NCAM2: variants seen among roughly 807,000 people sequenced by gnomAD.
NCAM2 encodes N-CAM-2.
Under a neutral mutation model 98.1 loss-of-function variants are expected in NCAM2, and 30 were observed. The ratio of observed to expected loss-of-function variants is 0.31; its 90% confidence interval spans 0.23 to 0.41. The LOEUF (loss-of-function observed/expected upper bound fraction) is 0.41, where lower values mean the gene tolerates loss of function less well. NCAM2 is among the 10% of genes least tolerant of loss of function. The pLI is 1.00. For missense variants in NCAM2, 867 were observed against 1,005.8 expected, an observed-to-expected ratio of 0.86 and a Z score of 1.87; for synonymous variants, 368 against 342.4, an observed-to-expected ratio of 1.07 and a Z score of -0.83.
intron 12 of NCAM2, among the ~76,000 whole-genome samples, chr21:21,458,098 A>C (rs1982418295): frequency 6.6e-6 from 1 of 152,292 alleles, no homozygotes; most frequent in African/African-American, 2.4e-5. Flanking sequence ...GGAAGTTTCA[A>C]AGGAAGGTTT....
At chr21:21,509,232 A>C (rs922791033) in intron 16 of NCAM2, among the ~76,000 whole-genome samples, 177 bp downstream of exon 16, 1 of 152,130 alleles carries the variant, frequency 6.6e-6, no homozygotes, top group African/African-American at 2.4e-5. Context: ...TATATAACCT[A>C]GAACAAAGTG....
intron 16 of NCAM2, among the ~76,000 whole-genome samples, chr21:21,513,097 G>A (rs981087728): frequency 6.6e-6 from 1 of 151,954 alleles, no homozygotes; most frequent in Non-Finnish European, 1.5e-5. Flanking sequence ...TAATTGCCCT[G>A]GCTAGGACAT....
At chr21:21,419,356 T>C (rs1569042759) in intron 11 of NCAM2, among the ~76,000 whole-genome samples, 3 of 150,504 alleles carry the variant, frequency 2.0e-5, no homozygotes, top group East Asian at 2.0e-4. Flanking sequence ...GGTTTTTTTT[T>C]TCGATTTTTT....
At chr21:21,344,046 C>T (rs1437946986) in intron 8 of NCAM2, among the ~76,000 whole-genome samples, 4 of 152,144 alleles carry the variant, frequency 2.6e-5, no homozygotes, top group African/African-American at 9.7e-5. Flanking sequence ...GATACTAGCT[C>T]AGCCACAGCA....
Position 21,470,351 on chromosome 21 carries a change from T to C in NCAM2, c.1896+1568T>C, listed in dbSNP as rs145841300. On this transcript the variant is annotated intron_variant, in intron 14 of 17. Transcript: ENST00000400546. The stretch of plus-strand genomic sequence containing the variant: ...TTCTTTAAATGTGGATTAGAATTAA[T>C]CTTTTTTGAGAAGTTATGTGTGAAA... Among the ~76,000 whole-genome samples the C allele has an allele frequency of 7.2e-5, 11 of 152,244 alleles. No individual in the cohort carries two copies. The East Asian group carries it at 2.1e-3, about 29-fold the overall frequency.
intron 1 of NCAM2, among the ~76,000 whole-genome samples, chr21:21,221,984 GCCA>G (rs1337201528): frequency 6.6e-6 from 1 of 152,116 alleles, no homozygotes; most frequent in Non-Finnish European, 1.5e-5. Flanking sequence ...CTAATTTGAA[GCCA>G]ATGCTTATTT....
intron 8 of NCAM2, among the ~76,000 whole-genome samples, chr21:21,367,062 A>T (rs561488499): frequency 1.3e-5 from 2 of 152,114 alleles, no homozygotes; most frequent in African/African-American, 4.8e-5. Flanking sequence ...ATACATTATC[A>T]CCATATCTCT....
At chr21:21,183,312 G>A (rs936564501) in intron 1 of NCAM2, among the ~76,000 whole-genome samples, 8 of 152,132 alleles carry the variant, frequency 5.3e-5, no homozygotes, top group Non-Finnish European at 8.8e-5. Context: ...TTTGACTTCA[G>A]AAGCAACTCT....
chr21:21,404,463 AG>A (rs1456032548), intron 9 of NCAM2, among the ~76,000 whole-genome samples: 2 of 152,110 alleles, frequency 1.3e-5, no homozygotes, highest in African/African-American at 4.8e-5. Context: ...GTCTGCAGCC[AG>A]GGAAGATGTG....
intron 1 of NCAM2, among the ~76,000 whole-genome samples, chr21:21,117,790 C>T (rs575477390): frequency 9.2e-5 from 14 of 152,204 alleles, no homozygotes; most frequent in African/African-American, 3.1e-4. Flanking sequence ...CTTGATTAAT[C>T]GTGGTCTCCT....
chr21:21,145,303 ACTTG>A (rs1263899074), intron 1 of NCAM2, among the ~76,000 whole-genome samples: 1 of 152,200 alleles, frequency 6.6e-6, no homozygotes, highest in Non-Finnish European at 1.5e-5. Context: ...AATTGTGCTT[ACTTG>A]CTTTTGATTA....
In NCAM2 at chr21:21,092,941, A is replaced by G. The variant is rs182711719; in HGVS notation, c.55+94323A>G. Reference sequence around the variant, plus strand: ...CAATGTAAGTTTTCAAATGTTCTACAGAATTTTTGCAACAATGAGTGGAAT... The same window carrying G: ...CAATGTAAGTTTTCAAATGTTCTACGGAATTTTTGCAACAATGAGTGGAAT... On this transcript the variant is annotated intron_variant, in intron 1 of 17. Transcript: ENST00000400546. Among the ~76,000 whole-genome samples the G allele has an allele frequency of 7.2e-5, 11 of 152,242 alleles. No individual in the cohort carries two copies. The East Asian group carries it at 1.2e-3, about 16-fold the overall frequency.
At chr21:21,066,296 A>G (rs934076863) in intron 1 of NCAM2, among the ~76,000 whole-genome samples, 1 of 152,122 alleles carries the variant, frequency 6.6e-6, no homozygotes, top group Non-Finnish European at 1.5e-5. Context: ...TTGCCAGACA[A>G]TGGAGATTGG....
chr21:21,463,565 G>A (rs1983277877), intron 12 of NCAM2, among the ~76,000 whole-genome samples: 1 of 152,046 alleles, frequency 6.6e-6, no homozygotes, highest in Non-Finnish European at 1.5e-5. Context: ...TAACAGTTTA[G>A]CCATCGGTGT....
intron 1 of NCAM2, among the ~76,000 whole-genome samples, chr21:21,180,666 T>C (rs1226378228): frequency 6.6e-6 from 1 of 152,028 alleles, no homozygotes; most frequent in African/African-American, 2.4e-5. Context: ...GATTAGTTTT[T>C]TATCTATTCA....
At chr21:21,265,679 T>C (rs985202592) in intron 1 of NCAM2, among the ~76,000 whole-genome samples, 1 of 151,456 alleles carries the variant, frequency 6.6e-6, no homozygotes, top group Non-Finnish European at 1.5e-5. Flanking sequence ...AAATGCCACA[T>C]ATTCTCACTT....
At chr21:21,169,689 C>T (rs939356912) in intron 1 of NCAM2, among the ~76,000 whole-genome samples, 27 of 152,240 alleles carry the variant, frequency 1.8e-4, no homozygotes, top group Admixed American at 9.2e-4. Context: ...TGGCTCATGC[C>T]GGTAATCCCA....
chr21:21,352,910 G>A (rs921714612), intron 8 of NCAM2, among the ~76,000 whole-genome samples: 2 of 150,948 alleles, frequency 1.3e-5, no homozygotes, highest in Admixed American at 6.6e-5. Flanking sequence ...CTGGAGTGCA[G>A]TGGCACGATC....
chr21:21,017,684 A>G (rs2146170993), intron 1 of NCAM2, among the ~76,000 whole-genome samples: 1 of 152,236 alleles, frequency 6.6e-6, no homozygotes, highest in South Asian at 2.1e-4. Context: ...GGTTTGAAGC[A>G]CTTGGTGTAT....
Sources: allele counts gnomAD v4.1 joint callset (sites outside exome capture counted in the v4.1 genomes callset), GRCh38; gene constraint gnomAD v4.1.1; transcripts MANE v1.5; gene names NCBI Gene and HGNC (gene_info 2026-07-23, HGNC 2026-07-21).